Variants in CLUL1 observed in about 807,000 individuals in gnomAD.
CLUL1 encodes the protein clusterin like 1.
A neutral mutation model predicts 49.4 loss-of-function variants in CLUL1; 43 were observed. The observed-to-expected ratio is 0.87, with a 90% CI of 0.68 to 1.12. CLUL1 has a LOEUF of 1.12. CLUL1 is among the 50% of genes most tolerant of loss of function. The probability of loss-of-function intolerance (pLI) is 0.00; values close to 1 mark genes in which losing one functional copy is unlikely to be tolerated. For synonymous variants in CLUL1, 192 were observed against 184.9 expected (o/e 1.04, Z -0.31); for missense variants, 486 against 544.4 (o/e 0.89, Z 1.07).
intron 7 of CLUL1, among the ~76,000 whole-genome samples, chr18:636,965 GT>G (rs969455694): frequency 1.4e-5 from 2 of 145,234 alleles, no homozygotes; most frequent in African/African-American, 2.6e-5. Flanking sequence ...TGGGTTCTTT[GT>G]TTTTTTTGTT....
chr18:630,960 G>A (rs2073979435), intron 6 of CLUL1, among the ~76,000 whole-genome samples: 1 of 151,720 alleles, frequency 6.6e-6, no homozygotes, highest in African/African-American at 2.4e-5. Flanking sequence ...AATTTGTGCT[G>A]TTTCAAGCCA....
chr18:634,321 C>T (rs1340495481), intron 7 of CLUL1, among the ~76,000 whole-genome samples: 5 of 151,932 alleles, frequency 3.3e-5, no homozygotes, highest in African/African-American at 1.2e-4. Context: ...TTAGTAGGGA[C>T]GAGGGTTTCA....
chr18:627,329 C>G lies in CLUL1; in HGVS notation c.656C>G (p.Ser219Ter), dbSNP rs1240664678. Residue 219 changes from serine to a stop codon, truncating the protein, a stop_gained, in exon 6 of 10, where the codon TCA becomes TGA. Transcript: ENST00000692774. LOFTEE classifies it high-confidence loss of function. ...CAGACTTTTCAATCACATTTCATAT[C>G]AGATACAGACCTAACTGAGCCTTAC... is the stretch of plus-strand genomic sequence containing the variant. ...FDQTFQSHFI[S>*]DTDLTEPYFF... 6.2e-6 allele frequency: 10 copies of G among 1,613,908 alleles called. No homozygotes were observed. The highest frequency in any genetic ancestry group is 8.5e-6 in the Non-Finnish European group (10 of 1,179,972).
intron 5 of CLUL1, among the ~76,000 whole-genome samples, chr18:626,518 C>A (rs509836): frequency 0.72 from 109,806 of 151,678 alleles, 40,611 homozygotes; most frequent in South Asian, 0.82. Flanking sequence ...CAGAATTATT[C>A]TTGATTTGAA....
At chr18:633,236 C>A in intron 6 of CLUL1, 62 bp from the exon 7 acceptor site, 5 of 1,430,952 alleles carry the variant, frequency 3.5e-6, no homozygotes, top group Non-Finnish European at 4.8e-6. Context: ...GCGGCATTGT[C>A]TCCACTTCTT....
chr18:639,731 C>T (rs933540698), intron 7 of CLUL1, among the ~76,000 whole-genome samples: 3 of 152,040 alleles, frequency 2.0e-5, no homozygotes, highest in East Asian at 3.8e-4. Context: ...TGTCACTGCA[C>T]TCCTGCCTGG....
At chr18:626,944 AAGGAAGGAAGGAAGG>A (rs2073785695) in intron 5 of CLUL1, among the ~76,000 whole-genome samples, 138 bp from the exon 6 acceptor site, 1 of 3,044 alleles carries the variant, frequency 3.3e-4, no homozygotes, top group African/African-American at 6.5e-4. Context: ...AGAAGGAAAG[AAGGAAGGAAGGAAGG>A]AAGGAAGGAA....
intron 2 of CLUL1, chr18:612,875 G>A (rs1457997161): frequency 1.2e-5 from 2 of 160,994 alleles, no homozygotes; most frequent in African/African-American, 4.8e-5. Flanking sequence ...TATTCCAAGG[G>A]TTGAACTTGC....
rs2073358470 is a variant in CLUL1 at position 618,059 on chromosome 18, G to A, written c.59G>A (p.Cys20Tyr). The change falls in exon 3 of 10, where the codon TGC (cysteine) becomes TAC (tyrosine). Residue 20 changes from cysteine (C) to tyrosine (Y), a missense_variant. By Grantham distance (194) the Cys-to-Tyr change is radical. Transcript: ENST00000692774. The surrounding 1 kb of genome is among the most constrained non-coding windows in gnomAD (Gnocchi z 4.2). ...VCLLWLKDSH[C>Y]APTWKDKTAI... ...CTGCTGTGGTTGAAAGACAGTCACT[G>A]CGCACCCACTTGGAAGGACAAAACT... 6 of 1,614,172 alleles carry A rather than the reference G, an allele frequency of 3.7e-6. No individual in the cohort carries two copies. The highest frequency in any genetic ancestry group is 5.1e-6 in the Non-Finnish European group (6 of 1,180,036).
intron 7 of CLUL1, among the ~76,000 whole-genome samples, chr18:633,665 C>G (rs12962608): frequency 6.6e-6 from 1 of 151,888 alleles, no homozygotes; most frequent in African/African-American, 2.4e-5. Context: ...CGCACGTGGC[C>G]CCTGCTGCTG....
chr18:629,613 G>A (rs568420420), intron 6 of CLUL1, among the ~76,000 whole-genome samples: 68 of 152,042 alleles, frequency 4.5e-4, no homozygotes, highest in Non-Finnish European at 8.5e-4. Flanking sequence ...TGCCTCACAC[G>A]CACCCTCCCC....
intron 8 of CLUL1, 64 bp downstream of exon 8, chr18:641,605 T>C: frequency 2.2e-6 from 3 of 1,336,258 alleles, no homozygotes; most frequent in Non-Finnish European, 3.2e-6. Context: ...TCACTGTTAA[T>C]TTACTTATGA....
At chr18:637,127 C>A (rs1393247768) in intron 7 of CLUL1, among the ~76,000 whole-genome samples, 1 of 152,128 alleles carries the variant, frequency 6.6e-6, no homozygotes, top group East Asian at 1.9e-4. Context: ...GCTGGGACTA[C>A]AGGCGCCCGC....
At chr18:607,173 GCC>G in intron 2 of CLUL1, 74 bp downstream of exon 2, 1 of 690,882 alleles carries the variant, frequency 1.4e-6, no homozygotes, top group Non-Finnish European at 2.6e-6. Context: ...TGTCACCCAG[GCC>G]AGAATGCAGT....
intron 4 of CLUL1, among the ~76,000 whole-genome samples, chr18:619,702 G>GTTTTTGT (rs1212375868): frequency 6.6e-6 from 1 of 151,638 alleles, no homozygotes; most frequent in Admixed American, 6.6e-5. Context: ...GGTCTCCAGA[G>GTTTTTGT]TTTTTGTTTT....
intron 8 of CLUL1, among the ~76,000 whole-genome samples, chr18:643,607 G>C (rs1427540001): frequency 6.6e-6 from 1 of 152,090 alleles, no homozygotes; most frequent in Non-Finnish European, 1.5e-5. Context: ...TGTCTCTTGA[G>C]TAACATAACA....
chr18:618,088 A>C lies in CLUL1; in HGVS notation c.88A>C (p.Ile30Leu), dbSNP rs1456777511. ...ACCCACTTGGAAGGACAAAACTGCTATCAGTGAAAACCTGAAGAGTACGTT... is the reference window on the plus strand; with the variant it reads ...ACCCACTTGGAAGGACAAAACTGCTCTCAGTGAAAACCTGAAGAGTACGTT... Reference protein sequence around the residue: ...CAPTWKDKTAISENLKSFSEV... With the variant: ...CAPTWKDKTALSENLKSFSEV... Residue 30 changes from isoleucine (I) to leucine (L), a missense_variant, in exon 3 of 10, where the codon ATC (isoleucine) becomes CTC (leucine). Transcript: ENST00000692774. The surrounding 1 kb of genome is among the most constrained non-coding windows in gnomAD (Gnocchi z 4.2). The C allele has an allele frequency of 1.9e-6, 3 of 1,613,584 alleles. No homozygotes were observed. Among genetic ancestry groups the C allele is most frequent in the East Asian group, 2.2e-5 (1 of 44,894 alleles).
intron 9 of CLUL1, among the ~76,000 whole-genome samples, chr18:645,580 G>A (rs965180017): frequency 4.6e-5 from 7 of 151,232 alleles, no homozygotes; most frequent in African/African-American, 1.7e-4. Context: ...CGGATCACGA[G>A]GTCAGGAGAT....
intron 8 of CLUL1, 27 bp downstream of exon 8, chr18:641,568 C>T (rs374320741): frequency 1.1e-5 from 18 of 1,569,244 alleles, no homozygotes; most frequent in South Asian, 3.3e-5. Context: ...AGAGCAGATA[C>T]GGAAATGACA....
Sources: gnomAD v4.1 joint callset for allele counts (sites outside exome capture counted in the v4.1 genomes callset) on GRCh38, gnomAD v4.1.1 for gene constraint, Gnocchi (gnomAD v3.1) non-coding constraint, MANE v1.5 for transcripts, NCBI Gene and HGNC (gene_info 2026-07-23, HGNC 2026-07-21) for gene names.